PPP4R3B: variants seen among roughly 807,000 people sequenced by gnomAD.
The protein encoded by PPP4R3B is serine/threonine-protein phosphatase 4 regulatory subunit 3B.
PPP4R3B carries 52 observed loss-of-function variants against 95.4 expected under a neutral mutation model. The ratio of observed to expected loss-of-function variants is 0.54; its 90% CI spans 0.44 to 0.69. The LOEUF is 0.69. Ranked by LOEUF, PPP4R3B falls within the 30% of genes least tolerant of loss-of-function variation. The probability of loss-of-function intolerance (pLI) is 0.00; values close to 1 mark genes in which losing one functional copy is unlikely to be tolerated. For synonymous variants in PPP4R3B, 407 were observed against 343.9 expected, an observed-to-expected ratio of 1.18 and a Z score of -2.03; for missense variants, 1,003 against 1,005.9, an observed-to-expected ratio of 1.00 and a Z score of 0.04.
In PPP4R3B at chr2:55,549,846, T is replaced by C; in HGVS notation, c.*65A>G. The C allele has an allele frequency of 2.5e-6, 3 of 1,223,208 alleles. No individual in the cohort carries two copies. The highest frequency in any genetic ancestry group is 3.6e-6 in the Non-Finnish European group (3 of 827,400). 75.8% of individuals were successfully genotyped at this position (1,223,208 alleles called of 1,614,324 possible). ...AATTGAGAAAGCTTTCTGATTCAGA[T>C]TTTCAGCTCACTGAACAGTTGCAGC... On this transcript the variant is annotated 3_prime_UTR_variant, in exon 17 of 17. Coordinates refer to ENST00000616407, the MANE Select transcript of PPP4R3B (RefSeq NM_001122964.3).
chr2:55,549,592 T>G lies in PPP4R3B; in HGVS notation c.*319A>C. ...ACCCCGAGGAGCAACCCTGCATTAT[T>G]ATATCAACCTTTTCCCCTCCCCTAA... On this transcript the variant is annotated 3_prime_UTR_variant, in exon 17 of 17. Coordinates refer to ENST00000616407, the MANE Select transcript of PPP4R3B (RefSeq NM_001122964.3). The G allele has an allele frequency of 3.9e-6, 1 of 259,580 alleles. No individual in the cohort carries two copies. The highest frequency in any genetic ancestry group is 7.3e-6 in the Non-Finnish European group (1 of 137,174). The allele number at this position is 259,580 out of a possible 1,614,324, so 16.1% of individuals were successfully genotyped here.
At chr2:55,571,539 A>C (rs1467048891) in intron 12 of PPP4R3B, among the ~76,000 whole-genome samples, 1 of 152,184 alleles carries the variant, frequency 6.6e-6, no homozygotes, top group Non-Finnish European at 1.5e-5. Flanking sequence ...AAGTATGAAA[A>C]ACAAAAGTGA....
chr2:55,592,088 T>G (rs979300118), intron 4 of PPP4R3B, among the ~76,000 whole-genome samples: 1 of 152,188 alleles, frequency 6.6e-6, no homozygotes, highest in African/African-American at 2.4e-5. Context: ...TAAATCAAAC[T>G]CTTCTCTTTG....
At chr2:55,582,912 T>A (rs540465344) in intron 7 of PPP4R3B, among the ~76,000 whole-genome samples, 2 of 152,288 alleles carry the variant, frequency 1.3e-5, no homozygotes, top group African/African-American at 4.8e-5. Context: ...GCCATTAATA[T>A]AAAAATATGT....
intron 2 of PPP4R3B, among the ~76,000 whole-genome samples, chr2:55,610,261 C>CA (rs1226425968): frequency 2.0e-5 from 3 of 152,234 alleles, no homozygotes; most frequent in South Asian, 4.1e-4. Flanking sequence ...TCTTGCTACT[C>CA]AAAGATCTTC....
At chr2:55,615,604 G>T in intron 1 of PPP4R3B, 98 bp from the exon 2 acceptor site, 2 of 762,578 alleles carry the variant, frequency 2.6e-6, no homozygotes, top group Non-Finnish European at 4.2e-6. Flanking sequence ...GCTCACGTCT[G>T]TAATCCTAGC....
At chr2:55,581,168 G>A (rs1689391994) in intron 8 of PPP4R3B, among the ~76,000 whole-genome samples, 1 of 152,080 alleles carries the variant, frequency 6.6e-6, no homozygotes, top group African/African-American at 2.4e-5. Flanking sequence ...CAGGAGAATC[G>A]CTTGAACCCG....
chr2:55,590,501 T>C (rs1183958591), intron 4 of PPP4R3B, among the ~76,000 whole-genome samples: 1 of 152,192 alleles, frequency 6.6e-6, no homozygotes, highest in East Asian at 1.9e-4. Context: ...TTTGGTTATC[T>C]ATATTTTCTA....
chr2:55,603,952 G>A, intron 3 of PPP4R3B, 26 bp downstream of exon 3: 9 of 1,520,902 alleles, frequency 5.9e-6, no homozygotes, highest in Non-Finnish European at 8.1e-6. Flanking sequence ...CAAACATTAA[G>A]TTAAATATTA....
chr2:55,604,497 G>GTTA (rs1298361013), intron 2 of PPP4R3B, among the ~76,000 whole-genome samples: 6 of 151,418 alleles, frequency 4.0e-5, no homozygotes, highest in African/African-American at 1.5e-4. Context: ...CCTGAAAATA[G>GTTA]GTTAAGGCTT....
chr2:55,549,727 C>T lies in PPP4R3B; in HGVS notation c.*184G>A. ...GGCAAACCCCTTAATTACTAGCAAGCAATCAAGTTCCTGGGAAGCCTGATT... is the reference window on the plus strand; with the variant it reads ...GGCAAACCCCTTAATTACTAGCAAGTAATCAAGTTCCTGGGAAGCCTGATT... On this transcript the variant is annotated 3_prime_UTR_variant, in exon 17 of 17. Transcript: ENST00000616407. The T allele has an allele frequency of 1.8e-6, 1 of 552,230 alleles. No homozygotes were observed. The highest frequency in any genetic ancestry group is 3.2e-6 in the Non-Finnish European group (1 of 317,282). 34.2% of individuals were successfully genotyped at this position (552,230 alleles called of 1,614,324 possible).
At chr2:55,568,751 ACAAC>A (rs1687613181) in intron 12 of PPP4R3B, among the ~76,000 whole-genome samples, 1 of 152,260 alleles carries the variant, frequency 6.6e-6, no homozygotes, top group Admixed American at 6.5e-5. Context: ...GGATGCTGAG[ACAAC>A]GCAGTGAAGG....
At position 55,573,649 on chromosome 2, in the gene PPP4R3B, T is replaced by C; in HGVS notation, c.1735A>G (p.Met579Val). The change falls in exon 12 of 17, where the codon ATG (methionine) becomes GTG (valine). Residue 579 changes from methionine to valine, a missense_variant. Physicochemically the swap from Met to Val is conservative, Grantham distance 21. Coordinates refer to ENST00000616407, the MANE Select transcript of PPP4R3B (RefSeq NM_001122964.3). ...GCCAGAAAAGTGTGCTTTGAATTCA[T>C]CAAGACCAAGACTCTTCTTAGCAAG... Reference protein sequence around the residue: ...KDLLRRVLVLMNSKHTFLALC... With the variant: ...KDLLRRVLVLVNSKHTFLALC... 1 of 1,542,642 alleles carries C rather than the reference T, an allele frequency of 6.5e-7. No individual in the cohort carries two copies. Among genetic ancestry groups the C allele is most frequent in the Non-Finnish European group, 8.7e-7 (1 of 1,144,534 alleles).
intron 2 of PPP4R3B, among the ~76,000 whole-genome samples, chr2:55,611,857 T>A (rs1249865701): frequency 6.6e-6 from 1 of 152,056 alleles, no homozygotes; most frequent in Non-Finnish European, 1.5e-5. Context: ...CCTCCAGAAG[T>A]AGCTGGCACT....
At chr2:55,556,639 A>G (rs1346508014) in intron 16 of PPP4R3B, among the ~76,000 whole-genome samples, 2 of 151,838 alleles carry the variant, frequency 1.3e-5, no homozygotes, top group African/African-American at 2.4e-5. Context: ...ATTTAAAAAA[A>G]AAAAAAGAAA....
chr2:55,549,620 C>A lies in PPP4R3B; in HGVS notation c.*291G>T, dbSNP rs185018156. Reference sequence around the variant, plus strand: ...ATCAACCTTTTCCCCTCCCCTAAACCGTCCCCAAACCTGTGACTTTTCCTT... The same window carrying A: ...ATCAACCTTTTCCCCTCCCCTAAACAGTCCCCAAACCTGTGACTTTTCCTT... On this transcript the variant is annotated 3_prime_UTR_variant, in exon 17 of 17. Coordinates refer to ENST00000616407, the MANE Select transcript of PPP4R3B (RefSeq NM_001122964.3). The A allele has an allele frequency of 6.8e-5, 24 of 352,540 alleles. No homozygotes were observed. The highest frequency in any genetic ancestry group is 1.0e-4 in the Non-Finnish European group (20 of 194,692). 21.8% of individuals were successfully genotyped at this position (352,540 alleles called of 1,614,324 possible).
At chr2:55,605,051 G>C (rs1171925018) in intron 2 of PPP4R3B, among the ~76,000 whole-genome samples, 1 of 151,932 alleles carries the variant, frequency 6.6e-6, no homozygotes, top group Non-Finnish European at 1.5e-5. Context: ...GGTTGGTCTG[G>C]AACTCCAACT....
chr2:55,593,720 G>A (rs555328578), intron 4 of PPP4R3B, among the ~76,000 whole-genome samples: 1 of 151,982 alleles, frequency 6.6e-6, no homozygotes, highest in Non-Finnish European at 1.5e-5. Flanking sequence ...AGGCAACATA[G>A]CAAAACCCCA....
rs1350918418 is a variant in PPP4R3B at position 55,547,923 on chromosome 2, C to CAA, written c.*1986_*1987dup. ...ACAGAGCGAGACTCAAACAAACAAA[C>CAA]AAAAAGTAACTAGGAAAGTGTTTTA... On this transcript the variant is annotated 3_prime_UTR_variant, in exon 17 of 17. Coordinates refer to ENST00000616407, the MANE Select transcript of PPP4R3B (RefSeq NM_001122964.3). 1 of 152,064 alleles carries CAA rather than the reference C, an allele frequency of 6.6e-6. No individual in the cohort carries two copies. Among genetic ancestry groups the CAA allele is most frequent in the Non-Finnish European group, 1.5e-5 (1 of 67,994 alleles). The allele number at this position is 152,064 out of a possible 1,614,324, so 9.4% of individuals were successfully genotyped here. A position where few individuals can be genotyped will look rare whatever the true frequency, so the allele number is the denominator to read the frequency against.
Sources: allele counts gnomAD v4.1 joint callset (sites outside exome capture counted in the v4.1 genomes callset), GRCh38; gene constraint gnomAD v4.1.1; transcripts MANE v1.5; gene names NCBI Gene and HGNC (gene_info 2026-07-23, HGNC 2026-07-21).